IL1RAPL1: variants seen among roughly 807,000 people sequenced by gnomAD.
IL1RAPL1 encodes the protein interleukin-1 receptor accessory protein-like 1.
Under a neutral mutation model 48.4 loss-of-function variants are expected in IL1RAPL1, and 3 were observed. The ratio of observed to expected loss-of-function variants is 0.06; its 90% CI spans 0.03 to 0.16. IL1RAPL1 has a LOEUF of 0.16. Ranked by LOEUF, IL1RAPL1 falls within the 10% of genes least tolerant of loss-of-function variation. The pLI, the probability that IL1RAPL1 is intolerant of heterozygous loss-of-function variation, is 1.00. For missense variants in IL1RAPL1, 349 were observed against 530.6 expected, an observed-to-expected ratio of 0.66 and a Z score of 3.36; for synonymous variants, 185 against 187.7, an observed-to-expected ratio of 0.99 and a Z score of 0.12.
intron 2 of IL1RAPL1, among the ~76,000 whole-genome samples, chrX:28,918,515 T>A (rs2147335985): frequency 8.9e-6 from 1 of 112,395 alleles, no homozygotes; most frequent in Admixed American, 9.5e-5. Context: ...CATTAAAATA[T>A]TTGCTTCTCT....
At chrX:28,729,212 T>C (rs1935722820) in intron 1 of IL1RAPL1, among the ~76,000 whole-genome samples, 1 of 111,813 alleles carries the variant, frequency 8.9e-6, no homozygotes, top group African/African-American at 3.2e-5. Flanking sequence ...ATTATATGTA[T>C]AAAATTCCCA....
chrX:29,665,113 G>T (rs1020567521), intron 5 of IL1RAPL1, among the ~76,000 whole-genome samples: 1 of 112,521 alleles, frequency 8.9e-6, no homozygotes, highest in African/African-American at 3.2e-5. Flanking sequence ...TACTATAATT[G>T]CTGTGGGTTT....
At chrX:29,483,668 G>A (rs1935064303) in intron 5 of IL1RAPL1, among the ~76,000 whole-genome samples, 1 of 105,240 alleles carries the variant, frequency 9.5e-6, no homozygotes, top group Admixed American at 1.0e-4. Flanking sequence ...GGGAGCTCTA[G>A]CAGAAAGTAC....
chrX:28,641,065 T>A (rs1934532648), intron 1 of IL1RAPL1, among the ~76,000 whole-genome samples: 1 of 110,024 alleles, frequency 9.1e-6, no homozygotes, highest in Admixed American at 9.7e-5. Context: ...ATGTAGGATT[T>A]TTTTTTTTTT....
chrX:28,923,610 A>G (rs2147338787), intron 2 of IL1RAPL1, among the ~76,000 whole-genome samples: 1 of 111,440 alleles, frequency 9.0e-6, no homozygotes, highest in Admixed American at 9.6e-5. Context: ...AAATGGAGTG[A>G]TATTTGGATT....
intron 2 of IL1RAPL1, among the ~76,000 whole-genome samples, chrX:28,844,316 C>T (rs1921452993): frequency 9.4e-6 from 1 of 106,869 alleles, no homozygotes; most frequent in Non-Finnish European, 1.9e-5. Flanking sequence ...TGCCATGTGA[C>T]CTTGGTAATT....
chrX:29,277,170 A>G (rs1008372005), intron 2 of IL1RAPL1, among the ~76,000 whole-genome samples: 7 of 112,057 alleles, frequency 6.2e-5, no homozygotes, highest in Non-Finnish European at 1.3e-4. Context: ...AAAAGAAAAT[A>G]AGAATCCAGA....
intron 6 of IL1RAPL1, among the ~76,000 whole-genome samples, chrX:29,910,206 A>C (rs1932738620): frequency 9.0e-6 from 1 of 110,813 alleles, no homozygotes; most frequent in Non-Finnish European, 1.9e-5. Flanking sequence ...TTGAGTACAC[A>C]ATACAGGTAT....
chrX:29,365,397 T>C (rs1446214294), intron 3 of IL1RAPL1, among the ~76,000 whole-genome samples: 3 of 112,530 alleles, frequency 2.7e-5, no homozygotes, highest in East Asian at 5.6e-4. Flanking sequence ...TCACATATTA[T>C]AGAAATGAAA....
At chrX:29,377,992 G>A (rs1366430559) in intron 3 of IL1RAPL1, among the ~76,000 whole-genome samples, 7 of 107,877 alleles carry the variant, frequency 6.5e-5, no homozygotes, top group Non-Finnish European at 1.3e-4. Flanking sequence ...TCTCAGGAAT[G>A]CCATATTGGT....
rs533398250 is a variant in IL1RAPL1 at position 28,887,231 on chromosome X, C to T, written c.82+97806C>T. Among the ~76,000 whole-genome samples the T allele has an allele frequency of 8.1e-5, 9 of 111,314 alleles. No homozygotes were observed. The South Asian group carries it at 2.7e-3, about 33-fold the overall frequency. ...TAAAGAGGTTACACTCAGTGTTCAG[C>T]GATCTTGCTCTTCCTCCTTCCGCCA... On this transcript the variant is annotated intron_variant, in intron 2 of 10. Transcript: ENST00000378993.
chrX:29,275,448 C>T (rs751751449), intron 2 of IL1RAPL1, among the ~76,000 whole-genome samples: 1 of 112,031 alleles, frequency 8.9e-6, no homozygotes, highest in Non-Finnish European at 1.9e-5. Context: ...ATTTCAGAAC[C>T]TTACCATATA....
chrX:29,052,257 A>G (rs1479571618), intron 2 of IL1RAPL1, among the ~76,000 whole-genome samples: 2 of 111,210 alleles, frequency 1.8e-5, no homozygotes, highest in Non-Finnish European at 3.8e-5. Context: ...CCATCCCACT[A>G]GTTACTCCTA....
At chrX:28,856,732 C>G (rs949540786) in intron 2 of IL1RAPL1, among the ~76,000 whole-genome samples, 4 of 111,263 alleles carry the variant, frequency 3.6e-5, no homozygotes, top group Non-Finnish European at 5.7e-5. Context: ...ACCACTCTAT[C>G]GACTAGCCAC....
At chrX:28,728,904 A>G (rs1416371521) in intron 1 of IL1RAPL1, among the ~76,000 whole-genome samples, 2 of 111,329 alleles carry the variant, frequency 1.8e-5, no homozygotes, top group Admixed American at 1.9e-4. Flanking sequence ...TATTCTAAAT[A>G]TTTGGATATT....
At chrX:28,803,451 G>A (rs1018060570) in intron 2 of IL1RAPL1, among the ~76,000 whole-genome samples, 1 of 111,646 alleles carries the variant, frequency 9.0e-6, no homozygotes, top group Non-Finnish European at 1.9e-5. Flanking sequence ...CCTTGAAAAA[G>A]CAGTTACTTT....
intron 1 of IL1RAPL1, among the ~76,000 whole-genome samples, chrX:28,652,607 G>A (rs746920675): frequency 1.8e-5 from 2 of 111,818 alleles, no homozygotes; most frequent in Non-Finnish European, 1.9e-5. Flanking sequence ...TGCTGACGGG[G>A]GACCACAATC....
intron 5 of IL1RAPL1, among the ~76,000 whole-genome samples, chrX:29,483,239 T>C (rs1367520949): frequency 8.9e-6 from 1 of 112,059 alleles, no homozygotes; most frequent in Non-Finnish European, 1.9e-5. Flanking sequence ...TGAAATTTCA[T>C]TCCAAAAATG....
intron 5 of IL1RAPL1, among the ~76,000 whole-genome samples, chrX:29,454,453 C>T (rs1237489383): frequency 1.8e-5 from 2 of 111,500 alleles, no homozygotes; most frequent in African/African-American, 3.3e-5. Context: ...AACTGACCAG[C>T]AGGTTGATAG....
Sources: allele counts gnomAD v4.1 joint callset (sites outside exome capture counted in the v4.1 genomes callset), GRCh38; gene constraint gnomAD v4.1.1; transcripts MANE v1.5; gene names NCBI Gene and HGNC (gene_info 2026-07-23, HGNC 2026-07-21).